ZFYVE9: variants seen among roughly 807,000 people sequenced by gnomAD.
The protein encoded by ZFYVE9 is zinc finger FYVE-type containing 9, also known as zinc finger FYVE domain-containing protein 9.
Under a neutral mutation model 126.7 loss-of-function variants are expected in ZFYVE9, and 43 were observed. That is an observed-to-expected ratio of 0.34 (90% CI 0.27 to 0.44). The LOEUF (loss-of-function observed/expected upper bound fraction) is 0.44. Ranked by LOEUF, ZFYVE9 falls within the 20% of genes least tolerant of loss-of-function variation. The pLI is 1.00. For missense variants in ZFYVE9, 1,476 were observed against 1,697.0 expected, an observed-to-expected ratio of 0.87 and a Z score of 2.29; for synonymous variants, 521 against 597.4, an observed-to-expected ratio of 0.87 and a Z score of 1.87.
At chr1:52,240,643 A>T (rs1046067760) in intron 4 of ZFYVE9, among the ~76,000 whole-genome samples, 6 of 152,176 alleles carry the variant, frequency 3.9e-5, no homozygotes, top group Non-Finnish European at 8.8e-5. Flanking sequence ...AGGATCGTGG[A>T]AGTTCTCTCG....
chr1:52,336,076 G>A (rs1352076221), intron 15 of ZFYVE9, among the ~76,000 whole-genome samples: 1 of 151,968 alleles, frequency 6.6e-6, no homozygotes, highest in Non-Finnish European at 1.5e-5. Context: ...AGAGGTTGCA[G>A]TGAGCTGAGA....
intron 14 of ZFYVE9, 86 bp downstream of exon 14, chr1:52,333,004 CT>C: frequency 6.6e-7 from 1 of 1,518,450 alleles, no homozygotes; most frequent in Non-Finnish European, 9.0e-7. Context: ...GTAACACTCA[CT>C]TTCTAGATAG....
At chr1:52,322,245 AT>A (rs1438781969) in intron 13 of ZFYVE9, among the ~76,000 whole-genome samples, 1 of 152,152 alleles carries the variant, frequency 6.6e-6, no homozygotes, top group Non-Finnish European at 1.5e-5. Flanking sequence ...AAATATATCT[AT>A]AATCCAGCTG....
chr1:52,283,876 A>G (rs1489189827), intron 10 of ZFYVE9, among the ~76,000 whole-genome samples: 1 of 152,130 alleles, frequency 6.6e-6, no homozygotes, highest in Non-Finnish European at 1.5e-5. Flanking sequence ...AGTAAAATTT[A>G]TTTTTTAAAA....
intron 4 of ZFYVE9, among the ~76,000 whole-genome samples, chr1:52,244,448 T>C (rs968853743): frequency 2.0e-5 from 3 of 152,162 alleles, no homozygotes. Context: ...CAGAGGTTGG[T>C]TTATGAAGTT....
chr1:52,296,056 T>C, intron 12 of ZFYVE9, 79 bp downstream of exon 12: 1 of 1,332,704 alleles, frequency 7.5e-7, no homozygotes, highest in South Asian at 1.2e-5. Context: ...ATTATTTTCT[T>C]GGTAGCTGTG....
At chr1:52,199,296 C>T (rs2124565917) in intron 1 of ZFYVE9, among the ~76,000 whole-genome samples, 1 of 152,220 alleles carries the variant, frequency 6.6e-6, no homozygotes, top group Non-Finnish European at 1.5e-5. Flanking sequence ...ATCTCCTGAC[C>T]TCGTGATCCA....
chr1:52,209,089 A>G (rs978079834), intron 1 of ZFYVE9, among the ~76,000 whole-genome samples: 3 of 152,228 alleles, frequency 2.0e-5, no homozygotes, highest in African/African-American at 7.2e-5. Flanking sequence ...AAACCTTAAT[A>G]GTCTGGAAGG....
chr1:52,175,996 C>T (rs545584714), intron 1 of ZFYVE9, among the ~76,000 whole-genome samples: 16 of 152,308 alleles, frequency 1.1e-4, no homozygotes, highest in East Asian at 3.9e-4. Context: ...TCTCTCAGCT[C>T]GTCAAAGTCA....
At chr1:52,183,590 C>A (rs1382874217) in intron 1 of ZFYVE9, among the ~76,000 whole-genome samples, 1 of 152,128 alleles carries the variant, frequency 6.6e-6, no homozygotes. Flanking sequence ...GCAACCTCTG[C>A]CTCCCGGGTT....
chr1:52,172,140 C>G lies in ZFYVE9; in HGVS notation c.-143+29737C>G, dbSNP rs150547162. ...AGGGTTTTTATGGTTTTAGGTCTAACGTTTAAGTCTTTAGTCCATCTTGAA... is the reference window on the plus strand; with the variant it reads ...AGGGTTTTTATGGTTTTAGGTCTAAGGTTTAAGTCTTTAGTCCATCTTGAA... On this transcript the variant is annotated intron_variant, in intron 1 of 18. Transcript: ENST00000287727. Among the ~76,000 whole-genome samples the G allele has an allele frequency of 3.9e-3, 594 of 152,218 alleles. 12 individuals are homozygous for G. The South Asian group carries it at 0.044, about 11-fold the overall frequency.
Position 52,238,332 on chromosome 1 carries a change from G to A in ZFYVE9, c.915G>A (p.Gly305=), listed in dbSNP as rs1214781616. 5 of 1,613,710 alleles carry A rather than the reference G, an allele frequency of 3.1e-6. No homozygotes were observed. The South Asian group carries it at 4.4e-5, about 14-fold the overall frequency. The change falls in exon 4 of 19, where the codon GGG becomes GGA. Residue 305 remains glycine, a synonymous_variant. Coordinates refer to ENST00000287727, the MANE Select transcript of ZFYVE9 (RefSeq NM_004799.4). ...GKISSPRTDL[G]SPNSFSHMSE... is the part of the protein sequence containing the mutation. ...TCAGCTCTCCTAGGACAGATCTAGGGAGTCCAAATTCCTTTTCCCACATGA... is the reference window on the plus strand; with the variant it reads ...TCAGCTCTCCTAGGACAGATCTAGGAAGTCCAAATTCCTTTTCCCACATGA...
At chr1:52,172,818 A>G (rs970872651) in intron 1 of ZFYVE9, among the ~76,000 whole-genome samples, 2 of 151,742 alleles carry the variant, frequency 1.3e-5, no homozygotes, top group African/African-American at 4.8e-5. Context: ...TTATTGGTGT[A>G]TAAGAATGCT....
intron 10 of ZFYVE9, among the ~76,000 whole-genome samples, chr1:52,292,420 C>A (rs966159193): frequency 3.3e-5 from 5 of 151,438 alleles, no homozygotes; most frequent in Admixed American, 6.6e-5. Flanking sequence ...CTTTGTTCAC[C>A]CAGTGAAATT....
intron 13 of ZFYVE9, among the ~76,000 whole-genome samples, chr1:52,312,080 C>A (rs537554863): frequency 6.6e-6 from 1 of 152,216 alleles, no homozygotes; most frequent in Admixed American, 6.5e-5. Context: ...CATGAGCCAC[C>A]ACACCTGGCT....
In ZFYVE9 at chr1:52,180,896, A is replaced by C. The variant is rs911723546; in HGVS notation, c.-142-35473A>C. ...AGGCTGAGGCAGGAGAATCACTTGA[A>C]CCTGGGAGGCGGAGGTTGCAGTGAG... On this transcript the variant is annotated intron_variant, in intron 1 of 18. Coordinates refer to ENST00000287727, the MANE Select transcript of ZFYVE9 (RefSeq NM_004799.4). Among the ~76,000 whole-genome samples, 4 of 148,268 alleles carry C rather than the reference A, an allele frequency of 2.7e-5. 1 individual carries two copies. Among genetic ancestry groups the C allele is most frequent in the Non-Finnish European group, 5.9e-5 (4 of 67,568 alleles).
intron 4 of ZFYVE9, among the ~76,000 whole-genome samples, chr1:52,255,428 A>G (rs772116938): frequency 2.6e-5 from 4 of 151,840 alleles, no homozygotes; most frequent in Admixed American, 6.6e-5. Context: ...TCTACTAAAA[A>G]TACAAAATTA....
At chr1:52,203,007 C>G (rs1644938720) in intron 1 of ZFYVE9, among the ~76,000 whole-genome samples, 1 of 152,054 alleles carries the variant, frequency 6.6e-6, no homozygotes. Flanking sequence ...TTAATATAAT[C>G]TCCTTCACTT....
intron 17 of ZFYVE9, among the ~76,000 whole-genome samples, chr1:52,342,802 G>T (rs952900853): frequency 3.3e-5 from 5 of 152,204 alleles, no homozygotes; most frequent in Non-Finnish European, 7.3e-5. Flanking sequence ...AAAGTACTGG[G>T]ATTACAGGTG....
Sources: gnomAD v4.1 joint callset for allele counts (sites outside exome capture counted in the v4.1 genomes callset) on GRCh38, gnomAD v4.1.1 for gene constraint, MANE v1.5 for transcripts, NCBI Gene and HGNC (gene_info 2026-07-23, HGNC 2026-07-21) for gene names.